The following SPACA3 variants were observed in gnomAD, a reference collection of about 807,000 sequenced individuals.
The protein encoded by SPACA3 is sperm acrosome associated 3.
A neutral mutation model predicts 24.5 loss-of-function variants in SPACA3; 21 were observed. The ratio of observed to expected loss-of-function variants is 0.86; its 90% CI spans 0.61 to 1.24. The LOEUF is 1.24. Among genes scored for constraint, SPACA3 ranks in the 50% most tolerant of loss-of-function variants. The pLI, the probability that SPACA3 is intolerant of heterozygous loss-of-function variation, is 0.00. For missense variants in SPACA3, 278 were observed against 275.5 expected (o/e 1.01, Z -0.06); for synonymous variants, 115 against 106.9 (o/e 1.08, Z -0.47).
chr17:32,994,772 G>T (rs553011243), intron 1 of SPACA3, among the ~76,000 whole-genome samples: 12 of 152,204 alleles, frequency 7.9e-5, no homozygotes, highest in Non-Finnish European at 1.8e-4. Context: ...ACACCCAGGT[G>T]CTAATGTCCT....
chr17:32,995,744 C>G (rs12450506), intron 2 of SPACA3, 27 bp downstream of exon 2: 1 of 1,598,550 alleles, frequency 6.3e-7, no homozygotes, highest in Admixed American at 1.7e-5. Context: ...CTGGCGGGCC[C>G]TGACTTCCCC....
At position 32,991,903 on chromosome 17, in the gene SPACA3, G is replaced by C. The variant is rs1024330332; in HGVS notation, c.-36G>C. On this transcript the variant is annotated 5_prime_UTR_variant, in exon 1 of 5. Coordinates refer to ENST00000269053, the MANE Select transcript of SPACA3 (RefSeq NM_173847.5). ...GTGGGGGACATCTTGAGCTGAAGCAGGGTTTTGAGCCACTGCTGCTGCTGC... is the reference window on the plus strand; with the variant it reads ...GTGGGGGACATCTTGAGCTGAAGCACGGTTTTGAGCCACTGCTGCTGCTGC... 5 of 1,612,756 alleles carry C rather than the reference G, an allele frequency of 3.1e-6. No homozygotes were observed. In the African/African-American group the frequency reaches 4.0e-5, roughly 13 times the overall value.
Position 32,992,428 on chromosome 17 carries a change from T to C in SPACA3, c.34+456T>C, listed in dbSNP as rs181714581. On this transcript the variant is annotated intron_variant, in intron 1 of 4. Coordinates refer to ENST00000269053, the MANE Select transcript of SPACA3 (RefSeq NM_173847.5). ...CGGTGAGAAGAAGGTCTCATGTCCC[T>C]GTGGCCACGCCTTTTGTGGACTTGA... Among the ~76,000 whole-genome samples, 24 of 152,328 alleles carry C rather than the reference T, an allele frequency of 1.6e-4. No homozygotes were observed. The East Asian group carries it at 4.4e-3, about 28-fold the overall frequency.
chr17:32,995,807 C>T (rs2091718701), intron 2 of SPACA3, 90 bp downstream of exon 2: 2 of 1,417,490 alleles, frequency 1.4e-6, no homozygotes, highest in African/African-American at 1.4e-5. Context: ...AGGGCTGTGG[C>T]TTCGGGAGCT....
chr17:32,992,983 C>T (rs1343676525), intron 1 of SPACA3: 1 of 468,706 alleles, frequency 2.1e-6, no homozygotes, highest in Non-Finnish European at 4.4e-6. Flanking sequence ...TACAAGAAGA[C>T]CATGAAGGAA....
At chr17:32,995,778 CCT>C in intron 2 of SPACA3, 61 bp downstream of exon 2, 1 of 1,541,420 alleles carries the variant, frequency 6.5e-7, no homozygotes, top group Non-Finnish European at 8.8e-7. Context: ...TCTTTCCCTC[CCT>C]CTCTCCTTCT....
chr17:32,997,548 G>A (rs780726980), intron 4 of SPACA3, 25 bp downstream of exon 4: 27 of 1,603,754 alleles, frequency 1.7e-5, no homozygotes, highest in East Asian at 2.2e-5. Flanking sequence ...CTGGAGCCCC[G>A]CAGCGGTGGT....
rs1247187167 is a variant in SPACA3 at position 32,991,961 on chromosome 17, C to A, written c.23C>A (p.Ala8Glu). The A allele has an allele frequency of 6.2e-7, 1 of 1,613,964 alleles. No homozygotes were observed. The highest frequency in any genetic ancestry group is 2.2e-5 in the East Asian group (1 of 44,870). Residue 8 changes from alanine (A) to glutamate (E), a missense_variant, in exon 1 of 5, where the codon GCA becomes GAA. By Grantham distance (107) the Ala-to-Glu change is moderately radical. Transcript: ENST00000269053. MVSALRG[A>E]PLIRVHSSPV... is the part of the protein sequence containing the mutation. ...ACCATGGTCTCAGCTCTGCGGGGAG[C>A]ACCCCTGATCAGTGAGCCCCCTTTC...
chr17:32,997,503 G>A lies in SPACA3; in HGVS notation c.561G>A (p.Glu187=), dbSNP rs1355642248. 2 of 1,613,940 alleles carry A rather than the reference G, an allele frequency of 1.2e-6. No individual in the cohort carries two copies. The highest frequency in any genetic ancestry group is 1.3e-5 in the African/African-American group (1 of 74,888). Reference sequence around the variant, plus strand: ...TCTGTGCCATGAAGATAACCCAAGAGCCTCAGGGTCTGGGTTACTGGTAAG... The same window carrying A: ...TCTGTGCCATGAAGATAACCCAAGAACCTCAGGGTCTGGGTTACTGGTAAG... ...TVICAMKITQ[E]PQGLGYWEAW... Residue 187 remains glutamate, a synonymous_variant, in exon 4 of 5, where the codon GAG becomes GAA. Coordinates refer to ENST00000269053, the MANE Select transcript of SPACA3 (RefSeq NM_173847.5).
rs113858392 is a variant in SPACA3 at position 32,993,615 on chromosome 17, C to T, written c.34+1643C>T. On this transcript the variant is annotated intron_variant, in intron 1 of 4. Coordinates refer to ENST00000269053, the MANE Select transcript of SPACA3 (RefSeq NM_173847.5). ...GAGTCGAAGGGGGCCTCCTTGGACC[C>T]GCAGAGCAGTTTCAGCGCGCGGTGA... Among the ~76,000 whole-genome samples, 1,006 of 152,100 alleles carry T rather than the reference C, an allele frequency of 6.6e-3. 16 individuals are homozygous for T. Among genetic ancestry groups the T allele is most frequent in the African/African-American group, 0.021 (862 of 41,486 alleles).
chr17:32,995,803 G>T (rs1050168281), intron 2 of SPACA3, 86 bp downstream of exon 2: 17 of 1,441,402 alleles, frequency 1.2e-5, no homozygotes, highest in Non-Finnish European at 1.6e-5. Context: ...TTCAAGGGCT[G>T]TGGCTTCGGG....
chr17:32,993,423 G>A (rs1351407140), intron 1 of SPACA3, among the ~76,000 whole-genome samples: 15 of 152,206 alleles, frequency 9.9e-5, no homozygotes, highest in Admixed American at 9.8e-4. Context: ...GCATATCAGC[G>A]TTTATGGCCT....
intron 2 of SPACA3, 52 bp from the exon 3 acceptor site, chr17:32,996,791 C>A: frequency 1.4e-6 from 2 of 1,452,578 alleles, no homozygotes; most frequent in South Asian, 3.2e-5. Context: ...GCACCCTGGT[C>A]TGGGGTGGCT....
Position 32,996,952 on chromosome 17 carries a change from C to T in SPACA3, c.453C>T (p.Cys151=), listed in dbSNP as rs2151129047. 6.2e-7 allele frequency: 1 copy of T among 1,602,026 alleles called. No homozygotes were observed. The highest frequency in any genetic ancestry group is 2.3e-5 in the East Asian group (1 of 44,328). The change falls in exon 3 of 5, where the codon TGC becomes TGT. Residue 151 remains cysteine (C), a synonymous_variant. Transcript: ENST00000269053. ...TCCAGATCAACAGCCGGAGGTGGTGCAGCAACCTCACCCCGAACGTCCCCA... is the reference window on the plus strand; with the variant it reads ...TCCAGATCAACAGCCGGAGGTGGTGTAGCAACCTCACCCCGAACGTCCCCA... ...GIFQINSRRW[C]SNLTPNVPNV...
intron 1 of SPACA3, among the ~76,000 whole-genome samples, chr17:32,995,093 C>CG (rs2091713442): frequency 1.3e-5 from 2 of 152,162 alleles, no homozygotes; most frequent in South Asian, 4.1e-4. Flanking sequence ...ATGAACACAC[C>CG]GCCTGGCCAT....
chr17:32,995,553 T>C lies in SPACA3; in HGVS notation c.179T>C (p.Leu60Pro). 6.2e-7 allele frequency: 1 copy of C among 1,614,194 alleles called. No individual in the cohort carries two copies. Among genetic ancestry groups the C allele is most frequent in the South Asian group, 1.1e-5 (1 of 91,086 alleles). Residue 60 changes from leucine to proline, a missense_variant, in exon 2 of 5, where the codon CTC becomes CCC. Coordinates refer to ENST00000269053, the MANE Select transcript of SPACA3 (RefSeq NM_173847.5). The part of the protein sequence containing the change: ...AAGIEARSRA[L>P]RRRWCPAGIM... Reference sequence around the variant, plus strand: ...GGCATAGAAGCCAGGAGCAGGGCTCTCAGAAGGCGGTGGTGCCCAGCTGGG... The same window carrying C: ...GGCATAGAAGCCAGGAGCAGGGCTCCCAGAAGGCGGTGGTGCCCAGCTGGG...
chr17:32,992,009 A>G (rs2091692493), intron 1 of SPACA3, 37 bp downstream of exon 1: 2 of 1,610,802 alleles, frequency 1.2e-6, no homozygotes, highest in Non-Finnish European at 1.7e-6. Context: ...GGCTGTTAAC[A>G]GGGGCGCTGG....
rs756221845 is a variant in SPACA3, at chr17:32,997,459, A to G, written c.517A>G (p.Asn173Asp). The G allele has an allele frequency of 6.2e-7, 1 of 1,613,972 alleles. No homozygotes were observed. Among genetic ancestry groups the G allele is most frequent in the Non-Finnish European group, 8.5e-7 (1 of 1,179,966 alleles). Residue 173 changes from asparagine to aspartate, a missense_variant, in exon 4 of 5, where the codon AAT becomes GAT. By Grantham distance (23) the Asn-to-Asp change is conservative (BLOSUM62 1). Coordinates refer to ENST00000269053, the MANE Select transcript of SPACA3 (RefSeq NM_173847.5). ...RMYCSDLLNP[N>D]LKDTVICAMK... ...TATCACCCCAGATTTGTTGAATCCT[A>G]ATCTCAAGGATACCGTTATCTGTGC...
intron 1 of SPACA3, 152 bp downstream of exon 1, chr17:32,992,124 AG>A: frequency 1.5e-6 from 1 of 655,012 alleles, no homozygotes; most frequent in Non-Finnish European, 2.5e-6. Flanking sequence ...AGAGAGAGAG[AG>A]AGAAACTCTG....
Sources: allele counts gnomAD v4.1 joint callset (sites outside exome capture counted in the v4.1 genomes callset), GRCh38; gene constraint gnomAD v4.1.1; transcripts MANE v1.5; gene names NCBI Gene and HGNC (gene_info 2026-07-23, HGNC 2026-07-21).